Variants in PTPRO observed in about 807,000 individuals in gnomAD.
The protein encoded by PTPRO is protein tyrosine phosphatase receptor type O, also known as receptor-type tyrosine-protein phosphatase O.
Under a neutral mutation model 145.2 loss-of-function variants are expected in PTPRO, and 62 were observed. The ratio of observed to expected loss-of-function variants is 0.43; its 90% confidence interval spans 0.35 to 0.53. PTPRO has a LOEUF of 0.53. Ranked by LOEUF, PTPRO falls within the 20% of genes least tolerant of loss-of-function variation. PTPRO has a pLI of 0.01. For missense variants in PTPRO, 1,345 were observed against 1,482.7 expected (o/e 0.91, Z 1.53); for synonymous variants, 565 against 514.7 (o/e 1.10, Z -1.32).
chr12:15,517,771 T>A (rs1942629752), intron 9 of PTPRO, among the ~76,000 whole-genome samples: 1 of 152,214 alleles, frequency 6.6e-6, no homozygotes, highest in South Asian at 2.1e-4. Flanking sequence ...CACATCCAGG[T>A]CATGCTGATG....
intron 12 of PTPRO, among the ~76,000 whole-genome samples, chr12:15,545,685 T>C (rs1408847981): frequency 3.9e-5 from 6 of 151,950 alleles, no homozygotes; most frequent in Admixed American, 3.3e-4. Context: ...GATAAAAAAT[T>C]TATCTAATGT....
intron 16 of PTPRO, 100 bp from the exon 17 acceptor site, chr12:15,560,093 T>C (rs1943732160): frequency 1.2e-6 from 1 of 851,132 alleles, no homozygotes; most frequent in South Asian, 1.4e-5. Flanking sequence ...GTCATATTAA[T>C]TAATCCCAAT....
At chr12:15,565,404 T>TA in intron 17 of PTPRO, 189 bp from the exon 18 acceptor site, 1 of 496,916 alleles carries the variant, frequency 2.0e-6, no homozygotes, top group South Asian at 2.4e-5. Context: ...AGTAGAGTTT[T>TA]AAAAAATGAA....
chr12:15,369,923 G>A (rs1402600920), intron 1 of PTPRO, among the ~76,000 whole-genome samples: 2 of 152,002 alleles, frequency 1.3e-5, no homozygotes, highest in Non-Finnish European at 2.9e-5. Context: ...GTGGTGGCAG[G>A]CACCTGTAGT....
chr12:15,348,453 A>G (rs1937666631), intron 1 of PTPRO: 1 of 152,276 alleles, frequency 6.6e-6, no homozygotes, highest in Admixed American at 6.5e-5. Context: ...AACAACAGTG[A>G]AGGAGTTAAA....
At chr12:15,571,414 A>G (rs1484015204) in intron 19 of PTPRO, among the ~76,000 whole-genome samples, 1 of 152,112 alleles carries the variant, frequency 6.6e-6, no homozygotes, top group Non-Finnish European at 1.5e-5. Context: ...CAGCCTCCTG[A>G]GTAGCTGGGA....
At chr12:15,375,278 T>C (rs889493210) in intron 1 of PTPRO, among the ~76,000 whole-genome samples, 3 of 152,180 alleles carry the variant, frequency 2.0e-5, no homozygotes, top group African/African-American at 7.2e-5. Context: ...AAAATTGTGG[T>C]GCATACACAG....
At chr12:15,525,214 C>A (rs556654550) in intron 11 of PTPRO, among the ~76,000 whole-genome samples, 20 of 152,262 alleles carry the variant, frequency 1.3e-4, no homozygotes, top group African/African-American at 4.6e-4. Context: ...ATGATTTGAG[C>A]TTTTTCTTCA....
At chr12:15,500,083 G>GTGGGTGGATGGATGGATGGATGGA (rs148826736) in intron 4 of PTPRO, among the ~76,000 whole-genome samples, 2 of 149,930 alleles carry the variant, frequency 1.3e-5, no homozygotes, top group Non-Finnish European at 1.5e-5. Context: ...AGATGGATGG[G>GTGGGTGGATGGATGGATGGATGGA]TGGATGGATG....
At chr12:15,545,792 G>T (rs1047076671) in intron 12 of PTPRO, among the ~76,000 whole-genome samples, 3 of 151,982 alleles carry the variant, frequency 2.0e-5, no homozygotes, top group African/African-American at 7.2e-5. Flanking sequence ...CCAATACTTT[G>T]GGAGGCCAAA....
chr12:15,581,298 CTTT>C (rs147606138), intron 22 of PTPRO, among the ~76,000 whole-genome samples: 123 of 122,984 alleles, frequency 1.0e-3, no homozygotes, highest in Middle Eastern at 9.6e-3. Flanking sequence ...TGAGTGCTTT[CTTT>C]TTTTTTTTTT....
intron 1 of PTPRO, among the ~76,000 whole-genome samples, chr12:15,444,955 T>A (rs1940864298): frequency 6.6e-6 from 1 of 152,106 alleles, no homozygotes. Context: ...AATTAGGACT[T>A]TTTGTCTCTC....
intron 1 of PTPRO, among the ~76,000 whole-genome samples, chr12:15,387,143 A>G (rs1939051754): frequency 6.6e-6 from 1 of 152,176 alleles, no homozygotes; most frequent in African/African-American, 2.4e-5. Context: ...ACACGTATCA[A>G]GAAAAACACT....
intron 1 of PTPRO, among the ~76,000 whole-genome samples, chr12:15,459,616 TGAC>T (rs1264697474): frequency 1.3e-5 from 2 of 152,198 alleles, no homozygotes; most frequent in Non-Finnish European, 2.9e-5. Context: ...CAAAAGGAGT[TGAC>T]CTGTGTATTG....
chr12:15,527,023 A>G (rs1591688288), intron 12 of PTPRO, among the ~76,000 whole-genome samples: 1 of 152,222 alleles, frequency 6.6e-6, no homozygotes. Context: ...AGAAAGATGG[A>G]AATAATTTTA....
chr12:15,389,253 G>A lies in PTPRO; in HGVS notation c.75+66452G>A, dbSNP rs1333662362. On this transcript the variant is annotated intron_variant, in intron 1 of 26. Transcript: ENST00000281171. The stretch of plus-strand genomic sequence containing the variant: ...CGAGTAGCTGGGACTACAGGCGCCC[G>A]CCACCATGCCTGGCTAATTTTGTTT... Among the ~76,000 whole-genome samples, 13 of 151,872 alleles carry A rather than the reference G, an allele frequency of 8.6e-5. No individual in the cohort carries two copies. In the East Asian group the frequency reaches 2.0e-3, roughly 23 times the overall value.
At chr12:15,465,691 A>C (rs978164044) in intron 1 of PTPRO, among the ~76,000 whole-genome samples, 2 of 152,194 alleles carry the variant, frequency 1.3e-5, no homozygotes, top group African/African-American at 4.8e-5. Flanking sequence ...GGATATTTCA[A>C]CAAGAAGGAA....
At chr12:15,494,483 T>G (rs1942061182) in intron 2 of PTPRO, among the ~76,000 whole-genome samples, 1 of 152,310 alleles carries the variant, frequency 6.6e-6, no homozygotes, top group East Asian at 1.9e-4. Flanking sequence ...GGAGAGATAG[T>G]AAAATATTTT....
At chr12:15,432,198 A>G (rs914679068) in intron 1 of PTPRO, among the ~76,000 whole-genome samples, 9 of 151,908 alleles carry the variant, frequency 5.9e-5, no homozygotes, top group African/African-American at 1.7e-4. Context: ...GTTCCCCTCT[A>G]TGTGTCCATG....
Sources: allele counts gnomAD v4.1 joint callset (sites outside exome capture counted in the v4.1 genomes callset), GRCh38; gene constraint gnomAD v4.1.1; transcripts MANE v1.5; gene names NCBI Gene and HGNC (gene_info 2026-07-23, HGNC 2026-07-21).